PTPRM: variants seen among roughly 807,000 people sequenced by gnomAD.
PTPRM encodes the protein receptor-type tyrosine-protein phosphatase mu.
PTPRM carries 47 observed loss-of-function variants against 186.7 expected under a neutral mutation model. The ratio of observed to expected loss-of-function variants is 0.25; its 90% CI spans 0.20 to 0.32. The LOEUF is 0.32. PTPRM is among the 10% of genes least tolerant of loss of function. The pLI is 1.00. For synonymous variants in PTPRM, 668 were observed against 674.9 expected (o/e 0.99, Z 0.16); for missense variants, 1,494 against 1,865.0 (o/e 0.80, Z 3.66).
In PTPRM at chr18:8,406,619, C is replaced by T. The variant is rs1354575473; in HGVS notation, c.*457C>T. On this transcript the variant is annotated 3_prime_UTR_variant, in exon 33 of 33. Transcript: ENST00000580170. ...ACTTTAACATGTTGCATAATATATG[C>T]TTATGTAGCTTTCCAGGACTAACAG... 6.3e-6 allele frequency: 1 copy of T among 158,608 alleles called. No individual in the cohort carries two copies. The highest frequency in any genetic ancestry group is 1.4e-5 in the Non-Finnish European group (1 of 71,388). The allele number at this position is 158,608 out of a possible 1,614,324, so 9.8% of individuals were successfully genotyped here.
At chr18:8,213,660 A>C (rs1001286714) in intron 14 of PTPRM, among the ~76,000 whole-genome samples, 2 of 152,194 alleles carry the variant, frequency 1.3e-5, no homozygotes, top group African/African-American at 4.8e-5. Flanking sequence ...GAGTGCAGAA[A>C]GTCTCACTGT....
intron 2 of PTPRM, among the ~76,000 whole-genome samples, chr18:7,846,752 C>T (rs1298431505): frequency 6.6e-6 from 1 of 152,180 alleles, no homozygotes; most frequent in African/African-American, 2.4e-5. Context: ...TGTCCTAAGG[C>T]ACTGTTTTGC....
chr18:7,959,785 A>G (rs1397182436), intron 7 of PTPRM, among the ~76,000 whole-genome samples: 2 of 152,296 alleles, frequency 1.3e-5, no homozygotes, highest in Admixed American at 6.5e-5. Flanking sequence ...ACATTTTTCA[A>G]AGTGATAAAA....
At chr18:7,771,975 G>A (rs1480714896) in intron 1 of PTPRM, among the ~76,000 whole-genome samples, 1 of 152,190 alleles carries the variant, frequency 6.6e-6, no homozygotes, top group East Asian at 1.9e-4. Context: ...CAGTGGCAGT[G>A]GTGTACAAAA....
intron 1 of PTPRM, among the ~76,000 whole-genome samples, chr18:7,699,710 T>C (rs2039919242): frequency 6.9e-6 from 1 of 145,682 alleles, no homozygotes; most frequent in East Asian, 2.1e-4. Context: ...TTAATTTTAA[T>C]AGAGTCTAAC....
intron 13 of PTPRM, among the ~76,000 whole-genome samples, chr18:8,120,253 A>C (rs1303929221): frequency 6.6e-6 from 1 of 152,208 alleles, no homozygotes; most frequent in Non-Finnish European, 1.5e-5. Context: ...ACTAAAAATA[A>C]TAGTTACAAA....
chr18:8,051,617 T>C (rs2087505332), intron 7 of PTPRM, among the ~76,000 whole-genome samples: 1 of 152,250 alleles, frequency 6.6e-6, no homozygotes, highest in African/African-American at 2.4e-5. Flanking sequence ...CCTGTGGGAC[T>C]TGTTTTTTTA....
intron 7 of PTPRM, among the ~76,000 whole-genome samples, chr18:8,015,554 C>T (rs886749444): frequency 2.7e-5 from 4 of 149,618 alleles, no homozygotes; most frequent in African/African-American, 9.7e-5. Context: ...ACCAGATTGA[C>T]AACTCTGATT....
intron 1 of PTPRM, among the ~76,000 whole-genome samples, chr18:7,605,040 G>T (rs1314353150): frequency 1.3e-5 from 2 of 152,232 alleles, no homozygotes; most frequent in South Asian, 2.1e-4. Flanking sequence ...CAACACAGGT[G>T]AATTTTTTAA....
chr18:7,571,230 G>A (rs767671896), intron 1 of PTPRM, among the ~76,000 whole-genome samples: 4 of 152,184 alleles, frequency 2.6e-5, no homozygotes, highest in South Asian at 2.1e-4. Flanking sequence ...ATGAGCCACC[G>A]TGCCCAGGCT....
chr18:8,243,302 A>G (rs1416409911), intron 14 of PTPRM, among the ~76,000 whole-genome samples: 1 of 152,180 alleles, frequency 6.6e-6, no homozygotes, highest in Non-Finnish European at 1.5e-5. Context: ...GAAAGAGGGA[A>G]CAAAGAAGCC....
At chr18:8,371,032 G>A (rs1336568289) in intron 24 of PTPRM, 26 bp downstream of exon 24, 3 of 1,408,726 alleles carry the variant, frequency 2.1e-6, no homozygotes, top group South Asian at 2.4e-5. Context: ...GCTTTTAAAA[G>A]CTATGGTCAG....
chr18:8,117,964 G>A (rs934894845), intron 13 of PTPRM, among the ~76,000 whole-genome samples: 1 of 152,078 alleles, frequency 6.6e-6, no homozygotes, highest in African/African-American at 2.4e-5. Context: ...AGTGATTAGT[G>A]TATGTGTTTT....
At chr18:7,807,152 G>T (rs146302287) in intron 2 of PTPRM, among the ~76,000 whole-genome samples, 2 of 152,130 alleles carry the variant, frequency 1.3e-5, no homozygotes, top group Non-Finnish European at 2.9e-5. Context: ...AAGTGTTCAC[G>T]CTTTTTCACG....
At chr18:8,355,234 G>A (rs559160664) in intron 23 of PTPRM, among the ~76,000 whole-genome samples, 1 of 152,324 alleles carries the variant, frequency 6.6e-6, no homozygotes, top group South Asian at 2.1e-4. Context: ...GGAAGTTCAT[G>A]AAAGAGGCAC....
intron 13 of PTPRM, among the ~76,000 whole-genome samples, chr18:8,141,018 C>T (rs1489424443): frequency 1.3e-5 from 2 of 152,124 alleles, no homozygotes; most frequent in African/African-American, 2.4e-5. Flanking sequence ...GTCCAAGGCC[C>T]GCTGACAGGT....
At chr18:7,734,283 G>A (rs2040722581) in intron 1 of PTPRM, among the ~76,000 whole-genome samples, 1 of 152,142 alleles carries the variant, frequency 6.6e-6, no homozygotes, top group African/African-American at 2.4e-5. Flanking sequence ...GGAAAAGAAG[G>A]AACATGATGG....
At chr18:8,255,939 C>A (rs1278323851) in intron 19 of PTPRM, among the ~76,000 whole-genome samples, 1 of 152,188 alleles carries the variant, frequency 6.6e-6, no homozygotes, top group African/African-American at 2.4e-5. Context: ...GATGGAGGCA[C>A]AGCCAGGCTT....
intron 2 of PTPRM, among the ~76,000 whole-genome samples, chr18:7,793,984 A>T (rs188693778): frequency 6.6e-6 from 1 of 152,306 alleles, no homozygotes; most frequent in African/African-American, 2.4e-5. Flanking sequence ...CCTTCGGCCT[A>T]CGGAACGATG....
Sources: allele counts gnomAD v4.1 joint callset (sites outside exome capture counted in the v4.1 genomes callset), GRCh38; gene constraint gnomAD v4.1.1; transcripts MANE v1.5; gene names NCBI Gene and HGNC (gene_info 2026-07-23, HGNC 2026-07-21).